The following CSMD1 variants were observed in gnomAD, a reference collection of about 807,000 sequenced individuals.
CSMD1 encodes the protein CUB and sushi domain-containing protein 1.
CSMD1 carries 213 observed loss-of-function variants against 417.5 expected under a neutral mutation model. The ratio of observed to expected loss-of-function variants is 0.51; its 90% CI spans 0.46 to 0.57. The LOEUF (loss-of-function observed/expected upper bound fraction) is 0.57, where lower values mean the gene tolerates loss of function less well. Ranked by LOEUF, CSMD1 falls within the 20% of genes least tolerant of loss-of-function variation. The pLI is 0.00. For missense variants in CSMD1, 6,923 were observed against 4,529.7 expected, an observed-to-expected ratio of 1.53 and a Z score of -15.17; for synonymous variants, 2,862 against 1,736.8, an observed-to-expected ratio of 1.65 and a Z score of -16.11.
chr8:3,872,858 AAAAAG>A (rs1355124673), intron 5 of CSMD1, among the ~76,000 whole-genome samples: 1 of 152,136 alleles, frequency 6.6e-6, no homozygotes, highest in Non-Finnish European at 1.5e-5. Context: ...AAAAGAAAGA[AAAAAG>A]AAAACAGCTG....
intron 10 of CSMD1, among the ~76,000 whole-genome samples, chr8:3,574,576 G>C (rs1490019229): frequency 6.6e-6 from 1 of 152,166 alleles, no homozygotes; most frequent in Non-Finnish European, 1.5e-5. Context: ...TCTGAGTATA[G>C]TAGGAGCATT....
intron 2 of CSMD1, among the ~76,000 whole-genome samples, chr8:4,420,837 T>C (rs1236543779): frequency 6.6e-6 from 1 of 152,190 alleles, no homozygotes; most frequent in African/African-American, 2.4e-5. Context: ...GCTTATTTTT[T>C]ATGTTATAAA....
intron 3 of CSMD1, among the ~76,000 whole-genome samples, chr8:4,043,593 A>G (rs966589693): frequency 5.9e-5 from 9 of 152,230 alleles, no homozygotes; most frequent in African/African-American, 1.4e-4. Flanking sequence ...GGGGAAATCA[A>G]TGTAGAATAG....
chr8:4,252,605 T>C (rs1803154835), intron 3 of CSMD1, among the ~76,000 whole-genome samples: 1 of 152,220 alleles, frequency 6.6e-6, no homozygotes, highest in Non-Finnish European at 1.5e-5. Flanking sequence ...AAATCTTCAT[T>C]CATTATAGAA....
chr8:4,878,437 C>A (rs1227707707), intron 1 of CSMD1, among the ~76,000 whole-genome samples: 2 of 151,722 alleles, frequency 1.3e-5, no homozygotes, highest in African/African-American at 4.9e-5. Flanking sequence ...TTAAAAATGT[C>A]CTTGTGGGTT....
Position 4,351,886 on chromosome 8 carries a change from T to C in CSMD1, c.415+68067A>G, listed in dbSNP as rs138346222. On this transcript the variant is annotated intron_variant, in intron 3 of 69. Coordinates refer to ENST00000635120, the MANE Select transcript of CSMD1 (RefSeq NM_033225.6). Reference sequence around the variant, plus strand: ...ATATACGACAGGACTTGTATGTGGATTACGCACTACAGAAACCAAACTGTA... The same window carrying C: ...ATATACGACAGGACTTGTATGTGGACTACGCACTACAGAAACCAAACTGTA... Among the ~76,000 whole-genome samples the C allele has an allele frequency of 3.3e-5, 5 of 151,734 alleles. No individual in the cohort carries two copies. The East Asian group carries it at 9.7e-4, about 29-fold the overall frequency.
chr8:4,136,229 G>C (rs778005286), intron 3 of CSMD1, among the ~76,000 whole-genome samples: 3 of 152,144 alleles, frequency 2.0e-5, no homozygotes, highest in African/African-American at 4.8e-5. Flanking sequence ...ATATAGAAAT[G>C]AACTATTGAA....
intron 15 of CSMD1, among the ~76,000 whole-genome samples, chr8:3,401,269 G>A (rs1309194772): frequency 6.6e-6 from 1 of 152,022 alleles, no homozygotes; most frequent in Non-Finnish European, 1.5e-5. Context: ...ATTTCTATGT[G>A]TGAATTTCCA....
chr8:3,903,487 G>C (rs904845063), intron 5 of CSMD1, among the ~76,000 whole-genome samples: 2 of 152,048 alleles, frequency 1.3e-5, no homozygotes, highest in African/African-American at 2.4e-5. Context: ...TGGTATTATC[G>C]ACAGCAGAGA....
intron 7 of CSMD1, among the ~76,000 whole-genome samples, chr8:3,688,947 G>T (rs1020082354): frequency 6.6e-6 from 1 of 152,198 alleles, no homozygotes; most frequent in South Asian, 2.1e-4. Flanking sequence ...GTAATTAAAT[G>T]AATGAAATAT....
chr8:4,537,886 A>G, intron 2 of CSMD1, among the ~76,000 whole-genome samples: 1 of 152,120 alleles, frequency 6.6e-6, no homozygotes, highest in Middle Eastern at 3.2e-3. Flanking sequence ...TAGAATGCTT[A>G]TTTTCTCATT....
intron 7 of CSMD1, among the ~76,000 whole-genome samples, chr8:3,699,426 G>T (rs1800727340): frequency 6.6e-6 from 1 of 152,228 alleles, no homozygotes; most frequent in Middle Eastern, 3.4e-3. Context: ...TTTTCTCTTA[G>T]CCAGTACCTA....
At chr8:3,658,305 G>C (rs1033526694) in intron 7 of CSMD1, among the ~76,000 whole-genome samples, 2 of 151,790 alleles carry the variant, frequency 1.3e-5, no homozygotes, top group Non-Finnish European at 2.9e-5. Context: ...ATAAACAATG[G>C]ATTTAGCATA....
chr8:4,168,717 G>A (rs1287369354), intron 3 of CSMD1, among the ~76,000 whole-genome samples: 2 of 152,072 alleles, frequency 1.3e-5, no homozygotes, highest in Non-Finnish European at 2.9e-5. Flanking sequence ...CACAAAAAAA[G>A]AACCCAACTC....
intron 1 of CSMD1, among the ~76,000 whole-genome samples, chr8:4,886,731 G>A (rs1803766557): frequency 1.3e-5 from 2 of 151,804 alleles, no homozygotes; most frequent in Non-Finnish European, 2.9e-5. Flanking sequence ...GGTACTCGGT[G>A]TCTTCTTTCT....
chr8:4,527,948 G>A (rs143491083), intron 2 of CSMD1, among the ~76,000 whole-genome samples: 1 of 152,130 alleles, frequency 6.6e-6, no homozygotes, highest in South Asian at 2.1e-4. Context: ...GACTGGCCCA[G>A]GGCACTCTGG....
chr8:4,342,299 C>G (rs891350628), intron 3 of CSMD1, among the ~76,000 whole-genome samples: 1 of 151,716 alleles, frequency 6.6e-6, no homozygotes, highest in Non-Finnish European at 1.5e-5. Flanking sequence ...AGCCAAGATT[C>G]AAAGGTGTGC....
chr8:4,936,827 G>C (rs116406531), intron 1 of CSMD1, among the ~76,000 whole-genome samples: 1,864 of 152,284 alleles, frequency 0.012, 31 homozygotes, highest in African/African-American at 0.043. Flanking sequence ...CAGCTTTGCT[G>C]CTAAATAAAA....
chr8:3,772,321 G>A (rs868075938), intron 5 of CSMD1, among the ~76,000 whole-genome samples: 2,104 of 40,340 alleles, frequency 0.052, 382 homozygotes, highest in African/African-American at 0.19. Flanking sequence ...ACATACATAT[G>A]TACATATATT....
Sources: allele counts gnomAD v4.1 joint callset (sites outside exome capture counted in the v4.1 genomes callset), GRCh38; gene constraint gnomAD v4.1.1; transcripts MANE v1.5; gene names NCBI Gene and HGNC (gene_info 2026-07-23, HGNC 2026-07-21).